Variants in QTMAN observed in about 807,000 individuals in gnomAD.
QTMAN encodes the protein queuosine-tRNA mannosyltransferase, also known as tRNA-queuosine alpha-mannosyltransferase.
chr2:144,032,538 G>A, the QTMAN span, among the ~76,000 whole-genome samples: 5 of 152,142 alleles, frequency 3.3e-5, no homozygotes, highest in Non-Finnish European at 7.3e-5. Flanking sequence ...TAAGCCCAAG[G>A]GTGGAGACAT....
chr2:144,133,156 AATATAAT>A, the QTMAN span, among the ~76,000 whole-genome samples: 51 of 49,156 alleles, frequency 1.0e-3, 1 homozygote, highest in Non-Finnish European at 5.6e-4. Context: ...TATATAATAT[AATATAAT>A]ATATATATAA....
chr2:144,035,283 A>C, the QTMAN span, among the ~76,000 whole-genome samples: 1 of 152,292 alleles, frequency 6.6e-6, no homozygotes, highest in South Asian at 2.1e-4. Context: ...CTTCCTGTAC[A>C]GTCTATGGAA....
chr2:144,295,271 C>T, the QTMAN span: 6 of 152,184 alleles, frequency 3.9e-5, no homozygotes, highest in African/African-American at 1.4e-4. Context: ...GAAGCCTTTC[C>T]TACCTGACCA....
the QTMAN span, among the ~76,000 whole-genome samples, chr2:144,124,868 AC>A: frequency 6.6e-6 from 1 of 151,994 alleles, no homozygotes; most frequent in Non-Finnish European, 1.5e-5. Context: ...TTTATCTCTA[AC>A]CCCAACAATG....
chr2:144,097,341 T>C, the QTMAN span, among the ~76,000 whole-genome samples: 3 of 152,232 alleles, frequency 2.0e-5, no homozygotes, highest in Admixed American at 2.0e-4. Flanking sequence ...ACTTGACCTC[T>C]GGTATTCTTT....
chr2:144,106,415 A>T, the QTMAN span, among the ~76,000 whole-genome samples: 1 of 152,228 alleles, frequency 6.6e-6, no homozygotes, highest in Non-Finnish European at 1.5e-5. Context: ...AGGAAGATCT[A>T]CCAAGCAAAT....
the QTMAN span, among the ~76,000 whole-genome samples, chr2:144,195,968 A>G: frequency 6.6e-6 from 1 of 152,184 alleles, no homozygotes; most frequent in Non-Finnish European, 1.5e-5. Flanking sequence ...AAATCTTTGC[A>G]GTAATGGCAT....
the QTMAN span, among the ~76,000 whole-genome samples, chr2:144,217,750 A>T: frequency 4.0e-5 from 6 of 150,858 alleles, no homozygotes; most frequent in African/African-American, 1.5e-4. Context: ...CTGGAGGGGG[A>T]AAAAAAAACA....
chr2:144,151,326 C>T, the QTMAN span, among the ~76,000 whole-genome samples: 18 of 152,146 alleles, frequency 1.2e-4, no homozygotes, highest in African/African-American at 4.1e-4. Context: ...GATTTTTATA[C>T]TCATGTCCAT....
the QTMAN span, among the ~76,000 whole-genome samples, chr2:143,998,352 C>A: frequency 0.03 from 4,525 of 152,018 alleles, 219 homozygotes; most frequent in African/African-American, 0.1. Flanking sequence ...ATTTTCCCTT[C>A]TTTTGTTTAA....
At chr2:144,046,539 A>C in the QTMAN span, among the ~76,000 whole-genome samples, 1 of 152,228 alleles carries the variant, frequency 6.6e-6, no homozygotes, top group African/African-American at 2.4e-5. Context: ...TGGCTGGCTC[A>C]TATAGGATCC....
chr2:144,078,713 C>T, the QTMAN span, among the ~76,000 whole-genome samples: 1 of 152,130 alleles, frequency 6.6e-6, no homozygotes, highest in African/African-American at 2.4e-5. Flanking sequence ...ATACTAACAA[C>T]ATATAGTCCT....
the QTMAN span, among the ~76,000 whole-genome samples, chr2:144,064,172 G>T: frequency 6.6e-6 from 1 of 152,078 alleles, no homozygotes; most frequent in Non-Finnish European, 1.5e-5. Flanking sequence ...CAGTGAACAG[G>T]AAGGCAAGAA....
At chr2:144,239,678 T>A in the QTMAN span, among the ~76,000 whole-genome samples, 1 of 152,226 alleles carries the variant, frequency 6.6e-6, no homozygotes, top group Non-Finnish European at 1.5e-5. Flanking sequence ...ATGGCTTATT[T>A]TCATTAATTT....
the QTMAN span, among the ~76,000 whole-genome samples, chr2:144,114,724 A>AAAC: frequency 6.6e-6 from 1 of 151,746 alleles, no homozygotes; most frequent in East Asian, 1.9e-4. Flanking sequence ...AAACAAAACA[A>AAAC]GAGGTTGCAC....
the QTMAN span, among the ~76,000 whole-genome samples, chr2:144,221,491 G>T: frequency 6.6e-6 from 1 of 152,128 alleles, no homozygotes; most frequent in South Asian, 2.1e-4. Flanking sequence ...ATCATAATAC[G>T]AGAGAAAGAG....
chr2:144,052,800 C>T, the QTMAN span, among the ~76,000 whole-genome samples: 1 of 152,066 alleles, frequency 6.6e-6, no homozygotes, highest in South Asian at 2.1e-4. Flanking sequence ...TACAGGCATG[C>T]GCCACCACAC....
the QTMAN span, among the ~76,000 whole-genome samples, chr2:144,010,062 C>CAA: frequency 1.6e-3 from 123 of 74,826 alleles, no homozygotes; most frequent in African/African-American, 3.9e-3. Flanking sequence ...AAGGATTCAC[C>CAA]AAAAAAAAAA....
chr2:144,023,453 C>CT, the QTMAN span, among the ~76,000 whole-genome samples: 12 of 152,234 alleles, frequency 7.9e-5, no homozygotes, highest in East Asian at 2.3e-3. Context: ...AAAATCAGAC[C>CT]TTTTAACATT....
Sources: gnomAD v4.1 joint callset for allele counts (sites outside exome capture counted in the v4.1 genomes callset) on GRCh38, gnomAD v4.1.1 for gene constraint, MANE v1.5 for transcripts, NCBI Gene and HGNC (gene_info 2026-07-23, HGNC 2026-07-21) for gene names.